ARHGEF26: variants seen among roughly 807,000 people sequenced by gnomAD.
ARHGEF26 encodes Rho guanine nucleotide exchange factor (GEF) 26.
Under a neutral mutation model 89.4 loss-of-function variants are expected in ARHGEF26, and 59 were observed. The observed-to-expected ratio is 0.66, with a 90% CI of 0.54 to 0.82. ARHGEF26 has a LOEUF of 0.82. Among genes scored for constraint, ARHGEF26 ranks in the 40% least tolerant of loss-of-function variants. The probability of loss-of-function intolerance (pLI) is 0.00; values close to 1 mark genes in which losing one functional copy is unlikely to be tolerated. For synonymous variants in ARHGEF26, 500 were observed against 428.4 expected, an observed-to-expected ratio of 1.17 and a Z score of -2.06; for missense variants, 1,234 against 1,085.6, an observed-to-expected ratio of 1.14 and a Z score of -1.92.
intron 12 of ARHGEF26, among the ~76,000 whole-genome samples, chr3:154,250,689 A>AATAC (rs1241051250): frequency 6.6e-6 from 1 of 152,204 alleles, no homozygotes; most frequent in Non-Finnish European, 1.5e-5. Context: ...ACAGCAGTAT[A>AATAC]GGCTATGTAT....
chr3:154,236,328 T>C (rs1488852337), intron 11 of ARHGEF26, among the ~76,000 whole-genome samples: 3 of 152,206 alleles, frequency 2.0e-5, no homozygotes, highest in Non-Finnish European at 2.9e-5. Flanking sequence ...GCAACAGACT[T>C]ATATAGATTT....
chr3:154,255,289 C>T (rs1041503414), intron 14 of ARHGEF26, 42 bp from the exon 15 acceptor site: 1 of 1,593,958 alleles, frequency 6.3e-7, no homozygotes, highest in African/African-American at 1.3e-5. Context: ...TGGCACACTC[C>T]AAATACTTGT....
intron 11 of ARHGEF26, among the ~76,000 whole-genome samples, chr3:154,229,718 G>A (rs1716719410): frequency 6.6e-6 from 1 of 152,088 alleles, no homozygotes; most frequent in Non-Finnish European, 1.5e-5. Context: ...AAATGTCTCT[G>A]GACGTTTTTG....
chr3:154,183,527 C>T (rs376401467), intron 6 of ARHGEF26, among the ~76,000 whole-genome samples: 5 of 152,276 alleles, frequency 3.3e-5, no homozygotes, highest in South Asian at 4.2e-4. Flanking sequence ...ATTTGATTCA[C>T]CGGCATTCTT....
At chr3:154,243,423 C>T (rs1319956108) in intron 12 of ARHGEF26, among the ~76,000 whole-genome samples, 5 of 152,184 alleles carry the variant, frequency 3.3e-5, no homozygotes. Context: ...CTCCACCACT[C>T]ATTTCTGAGA....
intron 9 of ARHGEF26, among the ~76,000 whole-genome samples, chr3:154,212,333 C>T (rs1262218628): frequency 1.1e-5 from 1 of 89,712 alleles, no homozygotes; most frequent in Non-Finnish European, 2.1e-5. Flanking sequence ...CAGAGCAAGA[C>T]CCTGTCTCAA....
chr3:154,159,733 A>T (rs1256433985), intron 6 of ARHGEF26, among the ~76,000 whole-genome samples: 1 of 152,160 alleles, frequency 6.6e-6, no homozygotes, highest in Non-Finnish European at 1.5e-5. Flanking sequence ...TTTGGTAATT[A>T]AAATTCTAAA....
chr3:154,189,424 G>A (rs1203723498), intron 7 of ARHGEF26, among the ~76,000 whole-genome samples: 2 of 143,502 alleles, frequency 1.4e-5, no homozygotes, highest in African/African-American at 5.2e-5. Flanking sequence ...TGCAACTTCT[G>A]CATCCCAGGT....
intron 6 of ARHGEF26, among the ~76,000 whole-genome samples, chr3:154,176,556 T>G (rs372644579): frequency 1.3e-5 from 2 of 152,144 alleles, no homozygotes; most frequent in East Asian, 1.9e-4. Context: ...ATGACGCTGC[T>G]TCACAGGATG....
chr3:154,134,750 T>C (rs974147461), intron 4 of ARHGEF26, among the ~76,000 whole-genome samples: 6 of 152,068 alleles, frequency 3.9e-5, no homozygotes, highest in Non-Finnish European at 8.8e-5. Context: ...GGTATTTTCC[T>C]TCAATACCTA....
chr3:154,123,063 G>A lies in ARHGEF26; in HGVS notation c.1071G>A (p.Leu357=). ...AAGACAAGGAGAAGTTTTCCAGTCTGGGAAGGATAAAGGTAAAAGTGGGCA... is the reference window on the plus strand; with the variant it reads ...AAGACAAGGAGAAGTTTTCCAGTCTAGGAAGGATAAAGGTAAAAGTGGGCA... ...VMEDKEKFSS[L]GRIKKKMLKG... Residue 357 remains leucine, a synonymous_variant, in exon 2 of 15, where the codon CTG becomes CTA. Coordinates refer to ENST00000465093, the MANE Select transcript of ARHGEF26 (RefSeq NM_015595.4). 1 of 1,613,842 alleles carries A rather than the reference G, an allele frequency of 6.2e-7. No homozygotes were observed. The highest frequency in any genetic ancestry group is 1.1e-5 in the South Asian group (1 of 91,010).
intron 12 of ARHGEF26, among the ~76,000 whole-genome samples, chr3:154,249,175 T>C (rs1032925341): frequency 3.3e-5 from 5 of 152,148 alleles, no homozygotes; most frequent in Admixed American, 2.6e-4. Flanking sequence ...AGTGATGGAG[T>C]CCTCAGCCAA....
intron 11 of ARHGEF26, among the ~76,000 whole-genome samples, chr3:154,233,636 A>G (rs1020859303): frequency 2.0e-5 from 3 of 152,234 alleles, no homozygotes; most frequent in Non-Finnish European, 4.4e-5. Flanking sequence ...AGTGTCCCCA[A>G]AGAAGAATGA....
intron 9 of ARHGEF26, among the ~76,000 whole-genome samples, chr3:154,199,730 T>C (rs142119048): frequency 0.011 from 1,623 of 152,292 alleles, 23 homozygotes; most frequent in African/African-American, 0.037. Flanking sequence ...GCATTTGTTA[T>C]TGCCTGTCTT....
intron 3 of ARHGEF26, 32 bp downstream of exon 3, chr3:154,124,481 T>C: frequency 4.0e-6 from 6 of 1,516,308 alleles, no homozygotes; most frequent in South Asian, 1.3e-5. Context: ...CTTTCATTGC[T>C]GTTTCAATGT....
intron 9 of ARHGEF26, among the ~76,000 whole-genome samples, chr3:154,196,223 T>C (rs1213244314): frequency 1.3e-5 from 2 of 152,222 alleles, no homozygotes; most frequent in Non-Finnish European, 2.9e-5. Flanking sequence ...GAGAAAGAGC[T>C]GTAGCTGAAA....
At chr3:154,252,857 T>G (rs1210680943) in intron 12 of ARHGEF26, among the ~76,000 whole-genome samples, 1 of 152,338 alleles carries the variant, frequency 6.6e-6, no homozygotes, top group East Asian at 1.9e-4. Flanking sequence ...TTATTAACTT[T>G]TAAACTGTCA....
chr3:154,163,745 GGACATTGTTCCC>G (rs2108122607), intron 6 of ARHGEF26, among the ~76,000 whole-genome samples: 1 of 152,262 alleles, frequency 6.6e-6, no homozygotes, highest in East Asian at 1.9e-4. Flanking sequence ...ATTTTCTCAT[GGACATTGTTCCC>G]GAAGTGAAGA....
intron 11 of ARHGEF26, among the ~76,000 whole-genome samples, chr3:154,238,235 T>C (rs918078227): frequency 6.6e-6 from 1 of 152,238 alleles, no homozygotes; most frequent in Non-Finnish European, 1.5e-5. Context: ...AAGTCTCATT[T>C]TGGATGTGAG....
Sources: allele counts gnomAD v4.1 joint callset (sites outside exome capture counted in the v4.1 genomes callset), GRCh38; gene constraint gnomAD v4.1.1; transcripts MANE v1.5; gene names NCBI Gene and HGNC (gene_info 2026-07-23, HGNC 2026-07-21).